The following EFR3A variants were observed in gnomAD, a reference collection of about 807,000 sequenced individuals.
EFR3A encodes the protein protein EFR3 homolog A.
EFR3A carries 76 observed loss-of-function variants against 104.4 expected under a neutral mutation model. The observed-to-expected ratio is 0.73, with a 90% confidence interval of 0.60 to 0.88. The LOEUF (loss-of-function observed/expected upper bound fraction) is 0.88. EFR3A is among the 40% of genes least tolerant of loss of function. EFR3A has a pLI of 0.00. For missense variants in EFR3A, 985 were observed against 1,012.5 expected, an observed-to-expected ratio of 0.97 and a Z score of 0.37; for synonymous variants, 330 against 330.0, an observed-to-expected ratio of 1.00 and a Z score of 0.00.
At chr8:131,975,480 G>A (rs1363689589) in intron 10 of EFR3A, among the ~76,000 whole-genome samples, 11 of 129,132 alleles carry the variant, frequency 8.5e-5, no homozygotes, top group African/African-American at 3.2e-4. Flanking sequence ...GCAGTGGCAC[G>A]ATCTTGGCTC....
intron 18 of EFR3A, among the ~76,000 whole-genome samples, chr8:131,990,282 T>C (rs1014240830): frequency 2.0e-5 from 3 of 152,214 alleles, no homozygotes; most frequent in African/African-American, 4.8e-5. Flanking sequence ...AACCAGGCAA[T>C]TGTAATATGA....
chr8:132,009,462 T>C (rs894967089), intron 22 of EFR3A, among the ~76,000 whole-genome samples: 3 of 152,108 alleles, frequency 2.0e-5, no homozygotes, highest in Non-Finnish European at 4.4e-5. Context: ...AAGGGAGTAT[T>C]TGCCTTGCTT....
chr8:131,958,976 C>CTCA (rs1563664449), intron 7 of EFR3A, among the ~76,000 whole-genome samples: 1 of 152,136 alleles, frequency 6.6e-6, no homozygotes, highest in Non-Finnish European at 1.5e-5. Flanking sequence ...AAGTAACTCA[C>CTCA]TCATGGACAA....
At chr8:131,954,936 G>A (rs1282948399) in intron 6 of EFR3A, among the ~76,000 whole-genome samples, 1 of 152,070 alleles carries the variant, frequency 6.6e-6, no homozygotes, top group Non-Finnish European at 1.5e-5. Context: ...AAGGATTCAT[G>A]CTTAATTCCT....
Position 131,970,651 on chromosome 8 carries a change from C to CAGT in EFR3A, c.1159+9_1159+10insGTA. ...CTATCATCCAAACAATAGGTGAGTA[C>CAGT]ATTTCACTTTTCAAAACTATCATGT... is the stretch of plus-strand genomic sequence containing the variant. On this transcript the variant is annotated intron_variant, in intron 10 of 22. Coordinates refer to ENST00000254624, the MANE Select transcript of EFR3A (RefSeq NM_015137.6). 1 of 1,608,196 alleles carries CAGT rather than the reference C, an allele frequency of 6.2e-7. No homozygotes were observed.
In EFR3A at chr8:131,987,434, T is replaced by C. The variant is rs963353284; in HGVS notation, c.1938-141T>C. 29 of 939,902 alleles carry C rather than the reference T, an allele frequency of 3.1e-5. 1 individual carries two copies. Among genetic ancestry groups the C allele is most frequent in the Admixed American group, 2.3e-4 (7 of 30,896 alleles). 58.2% of individuals were successfully genotyped at this position (939,902 alleles called of 1,614,324 possible). A position where few individuals can be genotyped will look rare whatever the true frequency, so the allele number is the denominator to read the frequency against. ...GAGCTCAAATTAGTTGCCTAAAATA[T>C]ACTGATTTTTCTGCTACTACAGTTT... On this transcript the variant is annotated intron_variant, in intron 17 of 22. Transcript: ENST00000254624.
At chr8:131,933,889 G>C (rs12677309) in intron 1 of EFR3A, among the ~76,000 whole-genome samples, 5 of 151,924 alleles carry the variant, frequency 3.3e-5, no homozygotes, top group East Asian at 3.9e-4. Context: ...ATAGAGCAAA[G>C]TATTGCAATG....
At chr8:132,000,696 T>G (rs1400883427) in intron 19 of EFR3A, 2 of 152,162 alleles carry the variant, frequency 1.3e-5, no homozygotes, top group African/African-American at 4.8e-5. Flanking sequence ...TTCACTGAAG[T>G]ACTAGAATGC....
chr8:132,009,843 T>C (rs1460339379), intron 22 of EFR3A, among the ~76,000 whole-genome samples: 1 of 151,840 alleles, frequency 6.6e-6, no homozygotes, highest in Non-Finnish European at 1.5e-5. Context: ...AAATAATTGA[T>C]TTTTTTTGGT....
At chr8:131,982,482 T>C (rs1315945517) in intron 14 of EFR3A, among the ~76,000 whole-genome samples, 1 of 152,124 alleles carries the variant, frequency 6.6e-6, no homozygotes, top group African/African-American at 2.4e-5. Flanking sequence ...ATAACTCCCA[T>C]TTCTCCAAGG....
intron 22 of EFR3A, among the ~76,000 whole-genome samples, chr8:132,005,866 T>A (rs1822017203): frequency 6.6e-6 from 1 of 152,146 alleles, no homozygotes. Context: ...TGTGGGACTA[T>A]AGCAAGTGTA....
At position 131,955,371 on chromosome 8, in the gene EFR3A, GC is replaced by G. The variant is rs769564530; in HGVS notation, c.639-396del. ...TTTAAATTTTATTTTTTATTTACAG[GC>G]TAGGTCATAGTTTTTCACTTTATTT... On this transcript the variant is annotated intron_variant, in intron 6 of 22. Coordinates refer to ENST00000254624, the MANE Select transcript of EFR3A (RefSeq NM_015137.6). Among the ~76,000 whole-genome samples the G allele has an allele frequency of 4.3e-4, 65 of 152,006 alleles. 1 individual carries two copies. Among genetic ancestry groups the G allele is most frequent in the Non-Finnish European group, 1.6e-4 (11 of 67,994 alleles).
At chr8:131,904,442 T>C in intron 1 of EFR3A, 120 bp downstream of exon 1, 2 of 988,470 alleles carry the variant, frequency 2.0e-6, no homozygotes, top group East Asian at 3.3e-5. Context: ...AGCCAGGAAG[T>C]GTCTGCGAGC....
At chr8:131,996,979 T>C (rs1483160145) in intron 19 of EFR3A, among the ~76,000 whole-genome samples, 1 of 152,078 alleles carries the variant, frequency 6.6e-6, no homozygotes, top group Non-Finnish European at 1.5e-5. Flanking sequence ...TTTAATTATT[T>C]TGGATAGTAA....
intron 18 of EFR3A, among the ~76,000 whole-genome samples, chr8:131,993,979 A>T (rs1421436732): frequency 6.6e-6 from 1 of 152,110 alleles, no homozygotes; most frequent in East Asian, 1.9e-4. Flanking sequence ...CAACTAATGG[A>T]TACTAGACTT....
At chr8:131,917,136 A>G (rs966285639) in intron 1 of EFR3A, among the ~76,000 whole-genome samples, 2 of 152,234 alleles carry the variant, frequency 1.3e-5, no homozygotes, top group African/African-American at 2.4e-5. Flanking sequence ...TATTTGTGAA[A>G]CAACAGAATG....
intron 8 of EFR3A, among the ~76,000 whole-genome samples, 181 bp from the exon 9 acceptor site, chr8:131,968,114 T>C (rs1819854468): frequency 6.6e-6 from 1 of 152,170 alleles, no homozygotes; most frequent in Admixed American, 6.5e-5. Flanking sequence ...CATAAATATT[T>C]TCCAGCATCT....
intron 1 of EFR3A, among the ~76,000 whole-genome samples, chr8:131,904,902 T>C (rs1396355257): frequency 6.6e-6 from 1 of 152,170 alleles, no homozygotes; most frequent in Non-Finnish European, 1.5e-5. Context: ...TGATTAAAAA[T>C]GCCGGTTTCG....
chr8:131,968,474 C>G (rs779018693), intron 9 of EFR3A, 44 bp downstream of exon 9: 37 of 1,595,726 alleles, frequency 2.3e-5, no homozygotes, highest in Non-Finnish European at 2.8e-5. Context: ...TGATCTGGTT[C>G]AAAGTGTCCT....
Sources: gnomAD v4.1 joint callset for allele counts (sites outside exome capture counted in the v4.1 genomes callset) on GRCh38, gnomAD v4.1.1 for gene constraint, MANE v1.5 for transcripts, NCBI Gene and HGNC (gene_info 2026-07-23, HGNC 2026-07-21) for gene names.